The following CFAP61 variants were observed in gnomAD, a reference collection of about 807,000 sequenced individuals.
The protein encoded by CFAP61 is cilia- and flagella-associated protein 61.
A neutral mutation model predicts 135.6 loss-of-function variants in CFAP61; 107 were observed. That is an observed-to-expected ratio of 0.79 (90% CI 0.67 to 0.93). The LOEUF is 0.93. Ranked by LOEUF, CFAP61 falls within the 40% of genes least tolerant of loss-of-function variation. The probability of loss-of-function intolerance (pLI) is 0.00; values close to 1 mark genes in which losing one functional copy is unlikely to be tolerated. For synonymous variants in CFAP61, 575 were observed against 578.5 expected, an observed-to-expected ratio of 0.99 and a Z score of 0.09; for missense variants, 1,507 against 1,556.2, an observed-to-expected ratio of 0.97 and a Z score of 0.53.
intron 25 of CFAP61, among the ~76,000 whole-genome samples, chr20:20,326,656 T>G (rs903483900): frequency 6.6e-6 from 1 of 152,192 alleles, no homozygotes. Flanking sequence ...AGCCAAAATC[T>G]TTTTCTACAG....
intron 6 of CFAP61, among the ~76,000 whole-genome samples, chr20:20,084,678 C>T (rs1452171089): frequency 6.6e-6 from 1 of 152,160 alleles, no homozygotes; most frequent in Non-Finnish European, 1.5e-5. Context: ...TTCTGGATGT[C>T]GCGGTGCTCC....
chr20:20,078,651 G>A (rs532814088), intron 6 of CFAP61, among the ~76,000 whole-genome samples: 10 of 152,224 alleles, frequency 6.6e-5, no homozygotes, highest in African/African-American at 2.2e-4. Context: ...CAGTGAAAAA[G>A]CACAGGACCA....
At chr20:20,294,897 C>T (rs541657359) in intron 24 of CFAP61, among the ~76,000 whole-genome samples, 334 of 150,080 alleles carry the variant, frequency 2.2e-3, no homozygotes, top group African/African-American at 6.7e-3. Context: ...CACTGCAGTC[C>T]GCAGTCCGGC....
intron 17 of CFAP61, chr20:20,226,266 C>A (rs1206012197): frequency 6.6e-6 from 1 of 152,136 alleles, no homozygotes; most frequent in Non-Finnish European, 1.5e-5. Flanking sequence ...TAAAAGTATT[C>A]CTATTTTCAC....
intron 8 of CFAP61, among the ~76,000 whole-genome samples, chr20:20,125,977 T>G (rs1470226567): frequency 6.6e-6 from 1 of 151,800 alleles, no homozygotes; most frequent in Non-Finnish European, 1.5e-5. Flanking sequence ...TCCCTCTTTG[T>G]CTCTTTTAAC....
chr20:20,052,854 A>T (rs941862684), intron 1 of CFAP61: 46 of 834,444 alleles, frequency 5.5e-5, no homozygotes, highest in Non-Finnish European at 7.4e-5. Context: ...TGCCTCGAGC[A>T]TTGCATTCTA....
intron 10 of CFAP61, among the ~76,000 whole-genome samples, chr20:20,160,717 T>C (rs571857848): frequency 1.3e-5 from 2 of 152,248 alleles, no homozygotes; most frequent in Non-Finnish European, 2.9e-5. Context: ...GCATATGCTG[T>C]TGGAGCCCCA....
intron 25 of CFAP61, among the ~76,000 whole-genome samples, chr20:20,300,452 C>T (rs1195560107): frequency 6.6e-6 from 1 of 152,098 alleles, no homozygotes; most frequent in Non-Finnish European, 1.5e-5. Context: ...TGATCCTGAC[C>T]CTGCAGGCCT....
intron 24 of CFAP61, among the ~76,000 whole-genome samples, chr20:20,291,952 T>C (rs189104157): frequency 6.6e-6 from 1 of 152,350 alleles, no homozygotes; most frequent in East Asian, 1.9e-4. Context: ...GTAAACAATA[T>C]GACCAACCTA....
intron 26 of CFAP61, among the ~76,000 whole-genome samples, chr20:20,352,339 T>C (rs115383180): frequency 0.02 from 2,985 of 151,820 alleles, 105 homozygotes; most frequent in African/African-American, 0.068. Context: ...CCCACTATCA[T>C]GAGGACAGCA....
At chr20:20,216,327 C>T (rs1250910651) in intron 17 of CFAP61, among the ~76,000 whole-genome samples, 1 of 152,174 alleles carries the variant, frequency 6.6e-6, no homozygotes, top group Non-Finnish European at 1.5e-5. Flanking sequence ...CAGTGGTGAA[C>T]GGGTGTTAAT....
In CFAP61 at chr20:20,327,791, AAAAAAAAAAAAAAACAG is replaced by A. The variant is rs2057814178; in HGVS notation, c.3423-14037_3423-14021del. ...CAAGAGCCTGTCAAAAAAAAAAAAA[AAAAAAAAAAAAAAACAG>A]AAGAAACAGGAGGCTTTGAGGTCCC... On this transcript the variant is annotated intron_variant, in intron 25 of 26. Transcript: ENST00000245957. Among the ~76,000 whole-genome samples, 4 of 80,272 alleles carry A rather than the reference AAAAAAAAAAAAAAACAG, an allele frequency of 5.0e-5. No homozygotes were observed. The South Asian group carries it at 1.8e-3, about 37-fold the overall frequency. The allele number at this position is 80,272 out of a possible 152,430, so 52.7% of individuals were successfully genotyped here.
At chr20:20,116,734 A>G (rs1255623888) in intron 8 of CFAP61, among the ~76,000 whole-genome samples, 2 of 151,850 alleles carry the variant, frequency 1.3e-5, no homozygotes, top group East Asian at 1.9e-4. Flanking sequence ...CCATCAATCA[A>G]CTTCTCTTTC....
intron 13 of CFAP61, among the ~76,000 whole-genome samples, chr20:20,177,087 T>C (rs2054688607): frequency 1.3e-5 from 2 of 152,296 alleles, no homozygotes; most frequent in Admixed American, 6.5e-5. Flanking sequence ...ATTCATTTCT[T>C]CTGTATATAA....
At chr20:20,270,776 C>T (rs1181145615) in intron 21 of CFAP61, among the ~76,000 whole-genome samples, 1 of 151,750 alleles carries the variant, frequency 6.6e-6, no homozygotes, top group African/African-American at 2.4e-5. Flanking sequence ...TTCAAATGAT[C>T]CTCCTACCTC....
At chr20:20,229,329 CTTCATTTATTT>C (rs1011136157) in intron 18 of CFAP61, among the ~76,000 whole-genome samples, 1 of 152,206 alleles carries the variant, frequency 6.6e-6, no homozygotes, top group African/African-American at 2.4e-5. Context: ...AACTCGCTAT[CTTCATTTATTT>C]TTTAAAAAGT....
At chr20:20,320,462 AATATATAATATATGTAAT>A (rs2057432175) in intron 25 of CFAP61, among the ~76,000 whole-genome samples, 4 of 12,442 alleles carry the variant, frequency 3.2e-4, no homozygotes, top group Non-Finnish European at 9.0e-4. Context: ...TTATATATGT[AATATATAATATATGTAAT>A]ATATAATATA....
intron 9 of CFAP61, among the ~76,000 whole-genome samples, chr20:20,150,662 T>G (rs1405643383): frequency 6.6e-6 from 1 of 152,134 alleles, no homozygotes; most frequent in African/African-American, 2.4e-5. Flanking sequence ...TTCACTCCCC[T>G]GCCACCTCCA....
intron 10 of CFAP61, among the ~76,000 whole-genome samples, chr20:20,159,689 T>C (rs1435590452): frequency 2.0e-5 from 3 of 152,228 alleles, no homozygotes; most frequent in African/African-American, 7.2e-5. Context: ...ATTTTCTACA[T>C]AAATTATTTG....
Sources: allele counts gnomAD v4.1 joint callset (sites outside exome capture counted in the v4.1 genomes callset), GRCh38; gene constraint gnomAD v4.1.1; transcripts MANE v1.5; gene names NCBI Gene and HGNC (gene_info 2026-07-23, HGNC 2026-07-21).